The following IQSEC1 variants were observed in gnomAD, a reference collection of about 807,000 sequenced individuals.
IQSEC1 encodes the protein IQ motif and SEC7 domain-containing protein 1.
In IQSEC1, 31 loss-of-function variants were observed where a neutral mutation model predicts 91.0. That is an observed-to-expected ratio of 0.34 (90% CI 0.26 to 0.46). The LOEUF is 0.46. IQSEC1 is among the 20% of genes least tolerant of loss of function. The pLI is 1.00. For synonymous variants in IQSEC1, 699 were observed against 662.6 expected (o/e 1.05, Z -0.84); for missense variants, 1,388 against 1,575.6 (o/e 0.88, Z 2.02).
chr3:13,150,815 T>C (rs1706983867), intron 2 of IQSEC1, among the ~76,000 whole-genome samples: 1 of 152,226 alleles, frequency 6.6e-6, no homozygotes, highest in Non-Finnish European at 1.5e-5. Context: ...CCTCCAAGAC[T>C]GCTGTACTGC....
At chr3:13,221,278 C>G (rs1243831208) in intron 1 of IQSEC1, among the ~76,000 whole-genome samples, 2 of 152,170 alleles carry the variant, frequency 1.3e-5, no homozygotes, top group African/African-American at 2.4e-5. Context: ...CCCGCCTGCT[C>G]TGGGGGCAGC....
At chr3:12,907,208 T>C (rs556512105) in intron 12 of IQSEC1, among the ~76,000 whole-genome samples, 1 of 152,130 alleles carries the variant, frequency 6.6e-6, no homozygotes, top group East Asian at 1.9e-4. Flanking sequence ...TTTTTTACCA[T>C]GGCAAATAAT....
chr3:13,085,436 G>A (rs111806265), intron 2 of IQSEC1, among the ~76,000 whole-genome samples: 2 of 152,078 alleles, frequency 1.3e-5, no homozygotes, highest in Admixed American at 6.5e-5. Flanking sequence ...CCTTCAGTGC[G>A]TAGGGTCACC....
At chr3:13,187,272 T>C (rs1008450244) in intron 1 of IQSEC1, among the ~76,000 whole-genome samples, 8 of 152,122 alleles carry the variant, frequency 5.3e-5, no homozygotes, top group Non-Finnish European at 1.5e-5. Flanking sequence ...ACAGATCACC[T>C]TTCCCACAGC....
At chr3:13,188,498 T>A (rs1693969881) in intron 1 of IQSEC1, among the ~76,000 whole-genome samples, 1 of 152,242 alleles carries the variant, frequency 6.6e-6, no homozygotes, top group Non-Finnish European at 1.5e-5. Context: ...ACAATATAGA[T>A]GTGCTACTAT....
chr3:13,268,118 C>T (rs977763110), intron 1 of IQSEC1, among the ~76,000 whole-genome samples: 7 of 152,214 alleles, frequency 4.6e-5, no homozygotes, highest in Admixed American at 3.3e-4. Flanking sequence ...AACACAGAGG[C>T]CAGGTTCTGT....
At chr3:13,240,021 G>A (rs998512805) in intron 1 of IQSEC1, among the ~76,000 whole-genome samples, 3 of 152,086 alleles carry the variant, frequency 2.0e-5, no homozygotes, top group African/African-American at 7.2e-5. Flanking sequence ...GGTTAAAAGG[G>A]TAAGTTTTAT....
rs1472445451 is a variant in IQSEC1 at position 12,909,714 on chromosome 3, G to T, written c.2417-280C>A. 6.6e-6 allele frequency among the ~76,000 whole-genome samples: 1 copy of T among 152,250 alleles called. No homozygotes were observed. The highest frequency in any genetic ancestry group is 2.4e-5 in the African/African-American group (1 of 41,470). ...CGCGTCCTGGAGGAGGACAGAGGTTGCGTCCTGAGAAAGGTGGGAGTCTTC... is the reference window on the plus strand; with the variant it reads ...CGCGTCCTGGAGGAGGACAGAGGTTTCGTCCTGAGAAAGGTGGGAGTCTTC... On this transcript the variant is annotated intron_variant, in intron 10 of 13. Coordinates refer to ENST00000613206, the MANE Select transcript of IQSEC1 (RefSeq NM_001134382.3). This position sits in a 1 kb window ranked among gnomAD's most constrained non-coding sequence, Gnocchi z 4.9.
At chr3:13,227,116 C>T (rs1283427171) in intron 1 of IQSEC1, among the ~76,000 whole-genome samples, 15 of 151,926 alleles carry the variant, frequency 9.9e-5, no homozygotes, top group Admixed American at 9.2e-4. Flanking sequence ...TGGCTCACGC[C>T]TGTAATCCCA....
intron 1 of IQSEC1, among the ~76,000 whole-genome samples, chr3:13,258,416 T>A (rs544771989): frequency 6.6e-6 from 1 of 152,284 alleles, no homozygotes; most frequent in Admixed American, 6.5e-5. Context: ...GTGTGATGGC[T>A]CACACTTGTA....
chr3:13,029,530 C>T (rs573937703), intron 1 of IQSEC1, among the ~76,000 whole-genome samples: 2 of 152,216 alleles, frequency 1.3e-5, no homozygotes, highest in South Asian at 2.1e-4. Flanking sequence ...TTCACTACCC[C>T]CTTCCTTAGA....
chr3:13,216,625 A>G (rs1021550435), intron 1 of IQSEC1, among the ~76,000 whole-genome samples: 1 of 152,170 alleles, frequency 6.6e-6, no homozygotes, highest in Admixed American at 6.5e-5. Flanking sequence ...GCCTCTTTCC[A>G]TCCTGCCCAC....
chr3:12,966,914 C>A (rs561322660), intron 1 of IQSEC1, among the ~76,000 whole-genome samples: 2 of 152,300 alleles, frequency 1.3e-5, no homozygotes, highest in African/African-American at 4.8e-5. Context: ...CTGCAAGAGG[C>A]CTTCCTGGCA....
intron 1 of IQSEC1, among the ~76,000 whole-genome samples, chr3:13,025,561 CT>C (rs1703581367): frequency 6.6e-6 from 1 of 152,196 alleles, no homozygotes; most frequent in Non-Finnish European, 1.5e-5. Context: ...GAGCCTCTGT[CT>C]GGCCTCTAGG....
chr3:12,912,253 G>A (rs1314611205), intron 9 of IQSEC1, among the ~76,000 whole-genome samples: 1 of 152,232 alleles, frequency 6.6e-6, no homozygotes. Flanking sequence ...GAACTTTCCA[G>A]TGTGGCAGCC....
chr3:12,966,935 T>C (rs1700610089), intron 1 of IQSEC1, among the ~76,000 whole-genome samples: 1 of 152,068 alleles, frequency 6.6e-6, no homozygotes, highest in Admixed American at 6.5e-5. Context: ...GCTCCGGCCC[T>C]GCCTGCAGTT....
intron 2 of IQSEC1, among the ~76,000 whole-genome samples, chr3:13,108,105 C>T (rs1209976487): frequency 6.6e-6 from 1 of 152,246 alleles, no homozygotes; most frequent in African/African-American, 2.4e-5. Flanking sequence ...CTGCGAATTT[C>T]CCCAGGGGAT....
chr3:13,193,836 G>A lies in IQSEC1; in HGVS notation c.273-29703C>T, dbSNP rs1016590766. Among the ~76,000 whole-genome samples, 3 of 152,144 alleles carry A rather than the reference G, an allele frequency of 2.0e-5. No individual in the cohort carries two copies. Among genetic ancestry groups the A allele is most frequent in the African/African-American group, 2.4e-5 (1 of 41,416 alleles). Reference sequence around the variant, plus strand: ...ACCTGGCCTGTGTGACTCCACCAGCGGCCAGCAGCTTCCAGTGTCCATCAG... The same window carrying A: ...ACCTGGCCTGTGTGACTCCACCAGCAGCCAGCAGCTTCCAGTGTCCATCAG... On this transcript the variant is annotated intron_variant, in intron 1 of 15. Transcript: ENST00000648114. This position sits in a 1 kb window ranked among gnomAD's most constrained non-coding sequence, Gnocchi z 4.2.
chr3:13,149,759 C>A (rs115826626), intron 2 of IQSEC1, among the ~76,000 whole-genome samples: 4 of 152,132 alleles, frequency 2.6e-5, no homozygotes, highest in African/African-American at 9.7e-5. Context: ...AAGGCCCAGC[C>A]GCAAAGCTGG....
Sources: allele counts gnomAD v4.1 joint callset (sites outside exome capture counted in the v4.1 genomes callset), GRCh38; gene constraint gnomAD v4.1.1; non-coding constraint Gnocchi (gnomAD v3.1); transcripts MANE v1.5; gene names NCBI Gene and HGNC (gene_info 2026-07-23, HGNC 2026-07-21).